The following ABCC11 variants were observed in gnomAD, a reference collection of about 807,000 sequenced individuals.
ABCC11 encodes ATP-binding cassette sub-family C member 11.
ABCC11 carries 135 observed loss-of-function variants against 149.3 expected under a neutral mutation model. That is an observed-to-expected ratio of 0.90 (90% CI 0.79 to 1.04). ABCC11 has a LOEUF of 1.04. Among genes scored for constraint, ABCC11 ranks in the 50% least tolerant of loss-of-function variants. The pLI is 0.00. For synonymous variants in ABCC11, 665 were observed against 671.4 expected, an observed-to-expected ratio of 0.99 and a Z score of 0.15; for missense variants, 1,680 against 1,722.1, an observed-to-expected ratio of 0.98 and a Z score of 0.43.
chr16:48,238,312 G>A (rs572135591), intron 1 of ABCC11, among the ~76,000 whole-genome samples: 1 of 152,230 alleles, frequency 6.6e-6, no homozygotes, highest in East Asian at 1.9e-4. Context: ...ACACAGTTCT[G>A]TCTGCCCTAC....
At chr16:48,235,449 A>T (rs1970639870) in intron 1 of ABCC11, among the ~76,000 whole-genome samples, 1 of 152,226 alleles carries the variant, frequency 6.6e-6, no homozygotes, top group Admixed American at 6.5e-5. Flanking sequence ...GACATGGAAA[A>T]TGAAACCCAA....
intron 24 of ABCC11, 108 bp from the exon 25 acceptor site, chr16:48,177,221 G>C: frequency 8.7e-7 from 1 of 1,154,038 alleles, no homozygotes. Context: ...ACCCCAGCCT[G>C]CCTTGCGCCA....
chr16:48,187,118 T>C (rs1966793537), intron 21 of ABCC11, 28 bp from the exon 22 acceptor site: 13 of 1,614,098 alleles, frequency 8.1e-6, no homozygotes, highest in Non-Finnish European at 1.1e-5. Flanking sequence ...GTAAGGGACC[T>C]GGACCGTCCA....
intron 6 of ABCC11, among the ~76,000 whole-genome samples, chr16:48,220,565 A>G (rs1301724795): frequency 2.0e-5 from 3 of 152,192 alleles, no homozygotes; most frequent in Non-Finnish European, 4.4e-5. Flanking sequence ...ACACTTGTCA[A>G]CCACTACCCC....
At chr16:48,222,081 A>AT (rs113762005) in intron 6 of ABCC11, among the ~76,000 whole-genome samples, 31,753 of 137,806 alleles carry the variant, frequency 0.23, 4,329 homozygotes, top group African/African-American at 0.4. Context: ...AGCCCAGCTA[A>AT]TTTTTTTTTT....
intron 6 of ABCC11, among the ~76,000 whole-genome samples, chr16:48,218,497 C>T (rs990543113): frequency 2.0e-5 from 3 of 152,126 alleles, no homozygotes; most frequent in African/African-American, 7.2e-5. Context: ...GAGAACGGTG[C>T]TAGATAATGC....
intron 10 of ABCC11, 74 bp downstream of exon 10, chr16:48,213,369 G>A: frequency 2.2e-6 from 3 of 1,358,486 alleles, no homozygotes; most frequent in Non-Finnish European, 3.1e-6. Flanking sequence ...ACGTGTTCTG[G>A]AGGAACATCA....
chr16:48,230,506 G>A lies in ABCC11; in HGVS notation c.167C>T (p.Ala56Val), dbSNP rs144840234. 1.2e-6 allele frequency: 2 copies of A among 1,612,344 alleles called. No individual in the cohort carries two copies. The highest frequency in any genetic ancestry group is 8.5e-7 in the Non-Finnish European group (1 of 1,179,152). The stretch of plus-strand genomic sequence containing the variant: ...ATACTTCCCCCACGGTGGGACAGCT[G>A]CCCTCCCTGGAGCCTCAGGATTTCT... ...QERNPEAPGR[A>V]AVPPWGKYDA... The change falls in exon 3 of 30, where the codon GCA becomes GTA. Residue 56 changes from alanine to valine, a missense_variant. Coordinates refer to ENST00000356608, the MANE Select transcript of ABCC11 (RefSeq NM_001370497.1).
rs976020992 is a variant in ABCC11 at position 48,166,682 on chromosome 16, T to C, written c.*592A>G. 6.6e-6 allele frequency among the ~76,000 whole-genome samples: 1 copy of C among 152,088 alleles called. No homozygotes were observed. Reference sequence around the variant, plus strand: ...TCACTTGAGATCAGCCTGGCCAACATGGTGAAACCCCGCCTCTACTAAAAA... The same window carrying C: ...TCACTTGAGATCAGCCTGGCCAACACGGTGAAACCCCGCCTCTACTAAAAA... On this transcript the variant is annotated 3_prime_UTR_variant, in exon 30 of 30. Coordinates refer to ENST00000356608, the MANE Select transcript of ABCC11 (RefSeq NM_001370497.1).
Position 48,175,402 on chromosome 16 carries a change from C to A in ABCC11, c.3554G>T (p.Gly1185Val). 1.9e-6 allele frequency: 3 copies of A among 1,609,878 alleles called. No homozygotes were observed. Among genetic ancestry groups the A allele is most frequent in the Non-Finnish European group, 2.5e-6 (3 of 1,176,576 alleles). Residue 1185 changes from glycine (G) to valine (V), a missense_variant, in exon 26 of 30, where the codon GGC becomes GTC. By Grantham distance (109) the Gly-to-Val change is moderately radical. Transcript: ENST00000356608. ...CTCCACCAGGCGGAAGAGAGCCATG[C>A]CCAAGGAGGACTTCCCTGTGGGGCA... ...GRTGSGKSSL[G>V]MALFRLVEPM...
intron 1 of ABCC11, among the ~76,000 whole-genome samples, chr16:48,234,213 C>T (rs1363304441): frequency 1.3e-5 from 2 of 152,180 alleles, no homozygotes; most frequent in Non-Finnish European, 1.5e-5. Context: ...ATGCGCAGCA[C>T]GGCATCATCA....
At chr16:48,193,287 C>T (rs1187511932) in intron 19 of ABCC11, among the ~76,000 whole-genome samples, 1 of 152,152 alleles carries the variant, frequency 6.6e-6, no homozygotes, top group African/African-American at 2.4e-5. Flanking sequence ...TCTCCTGACC[C>T]AAACCTCCTG....
chr16:48,170,981 G>C lies in ABCC11; in HGVS notation c.3699-14C>G. ...TCTAGGTTGAATCTACCATATGAGAGAAAGAGAAGTGTTCAACAACATCAC... is the reference window on the plus strand; with the variant it reads ...TCTAGGTTGAATCTACCATATGAGACAAAGAGAAGTGTTCAACAACATCAC... On this transcript the variant is annotated splice_polypyrimidine_tract_variant and intron_variant, in intron 26 of 29. Transcript: ENST00000356608. 6.3e-7 allele frequency: 1 copy of C among 1,595,408 alleles called. No individual in the cohort carries two copies. Among genetic ancestry groups the C allele is most frequent in the Non-Finnish European group, 8.6e-7 (1 of 1,162,994 alleles).
At chr16:48,173,734 C>T (rs891632593) in intron 26 of ABCC11, among the ~76,000 whole-genome samples, 1 of 152,230 alleles carries the variant, frequency 6.6e-6, no homozygotes, top group Admixed American at 6.5e-5. Flanking sequence ...ATGCGATTCA[C>T]GTGCCTCAGC....
Position 48,211,123 on chromosome 16 carries a change from T to A in ABCC11, c.1433A>T (p.Glu478Val). 6.2e-7 allele frequency: 1 copy of A among 1,614,140 alleles called. No individual in the cohort carries two copies. Among genetic ancestry groups the A allele is most frequent in the Non-Finnish European group, 8.5e-7 (1 of 1,180,022 alleles). The change falls in exon 11 of 30, where the codon GAG becomes GTG. Residue 478 changes from glutamate (E) to valine (V), a missense_variant. Coordinates refer to ENST00000356608, the MANE Select transcript of ABCC11 (RefSeq NM_001370497.1). ...QDPSKALVFE[E>V]ATLSWQQTCP... ...GGTCTGTTGCCATGACAAGGTGGCC[T>A]CCTCAAAGACCAGAGCTTTGCTGGG...
At chr16:48,229,453 CTTTTTTTTTT>C (rs940739382) in intron 3 of ABCC11, among the ~76,000 whole-genome samples, 9 of 119,094 alleles carry the variant, frequency 7.6e-5, no homozygotes, top group Non-Finnish European at 1.0e-4. Flanking sequence ...AGGCTGGTAA[CTTTTTTTTTT>C]TTTTTTTTTT....
In ABCC11 at chr16:48,194,027, C is replaced by T. The variant is rs746014454; in HGVS notation, c.2405-45G>A. The T allele has an allele frequency of 4.4e-5, 63 of 1,428,754 alleles. No homozygotes were observed. In the East Asian group the frequency reaches 6.9e-4, roughly 16 times the overall value. 88.5% of individuals were successfully genotyped at this position (1,428,754 alleles called of 1,614,324 possible). A position where few individuals can be genotyped will look rare whatever the true frequency, so the allele number is the denominator to read the frequency against. On this transcript the variant is annotated intron_variant, in intron 18 of 29. Transcript: ENST00000356608. ...GATGTACAAGTGCCACAAACAGGTG[C>T]GAGGCAACTGCTGACTCAGCTGCTC...
intron 22 of ABCC11, 139 bp downstream of exon 22, chr16:48,186,814 G>A: frequency 1.9e-6 from 2 of 1,066,044 alleles, no homozygotes; most frequent in East Asian, 4.9e-5. Context: ...GGTTCTGGAG[G>A]CTCAGAGAAA....
chr16:48,170,049 C>T (rs878905355), intron 28 of ABCC11, 56 bp downstream of exon 28: 5 of 1,463,970 alleles, frequency 3.4e-6, no homozygotes. Context: ...GGTGTGGCTT[C>T]CCTCATCATG....
Sources: allele counts gnomAD v4.1 joint callset (sites outside exome capture counted in the v4.1 genomes callset), GRCh38; gene constraint gnomAD v4.1.1; transcripts MANE v1.5; gene names NCBI Gene and HGNC (gene_info 2026-07-23, HGNC 2026-07-21).